Variants in ZNF723 observed in about 807,000 individuals in gnomAD.
ZNF723 encodes the protein zinc finger protein 723, also known as zinc finger protein 723, pseudogene.
In ZNF723, 5 loss-of-function variants were observed where a neutral mutation model predicts 9.4. That is an observed-to-expected ratio of 0.53 (90% CI 0.28 to 1.12). The LOEUF (loss-of-function observed/expected upper bound fraction) is 1.12, where lower values mean the gene tolerates loss of function less well. Among genes scored for constraint, ZNF723 ranks in the 50% most tolerant of loss-of-function variants. The probability of loss-of-function intolerance (pLI) is 0.10; values close to 1 mark genes in which losing one functional copy is unlikely to be tolerated. For missense variants in ZNF723, 450 were observed against 501.5 expected, an observed-to-expected ratio of 0.90 and a Z score of 0.98; for synonymous variants, 158 against 168.8, an observed-to-expected ratio of 0.94 and a Z score of 0.49.
chr19:22,857,607 A>T lies in ZNF723; in HGVS notation c.716A>T (p.Asn239Ile). The T allele has an allele frequency of 7.6e-7, 1 of 1,314,962 alleles. No individual in the cohort carries two copies. The highest frequency in any genetic ancestry group is 1.7e-5 in the Admixed American group (1 of 59,562). The allele number at this position is 1,314,962 out of a possible 1,614,324, so 81.5% of individuals were successfully genotyped here. ...TGTGAAGAATGTGGCAAAGCCTTTA[A>T]TGTGTCCTCAAGCCTTAATAATCAT... Reference protein sequence around the residue: ...YKCEECGKAFNVSSSLNNHKR... With the variant: ...YKCEECGKAFIVSSSLNNHKR... The change falls in exon 4 of 4, where the codon AAT (asparagine) becomes ATT (isoleucine). Residue 239 changes from asparagine (N) to isoleucine (I), a missense_variant. By Grantham distance (149) the Asn-to-Ile change is moderately radical. This residue lies in a region of ZNF723 where 237 missense variants were observed against 332.2 expected (regional missense o/e 0.71). Coordinates refer to ENST00000600766, the MANE Select transcript of ZNF723 (RefSeq NM_001349726.2).
chr19:22,836,763 A>G (rs1250338741), intron 1 of ZNF723, among the ~76,000 whole-genome samples: 2 of 152,208 alleles, frequency 1.3e-5, no homozygotes, highest in Non-Finnish European at 2.9e-5. Context: ...TGCAGAGTCT[A>G]TGTCTGGCTG....
chr19:22,857,297 T>A lies in ZNF723; in HGVS notation c.406T>A (p.Cys136Ser). The A allele has an allele frequency of 6.1e-6, 5 of 815,734 alleles. No individual in the cohort carries two copies. The highest frequency in any genetic ancestry group is 5.4e-5 in the South Asian group (4 of 73,874). 50.5% of individuals were successfully genotyped at this position (815,734 alleles called of 1,614,324 possible). A position where few individuals can be genotyped will look rare whatever the true frequency, so the allele number is the denominator to read the frequency against. The change falls in exon 4 of 4, where the codon TGT becomes AGT. Residue 136 changes from cysteine to serine, a missense_variant. Coordinates refer to ENST00000600766, the MANE Select transcript of ZNF723 (RefSeq NM_001349726.2). The stretch of plus-strand genomic sequence containing the variant: ...AGGAGGTTATGATGAACTTAAGCAA[T>A]GTTTGACAACTACCCCGAGCAAAAT... The part of the protein sequence containing the change: ...HKGGYDELKQ[C>S]LTTTPSKIFQ...
chr19:22,826,320 G>C, the ZNF723 span, among the ~76,000 whole-genome samples: 1 of 151,638 alleles, frequency 6.6e-6, no homozygotes, highest in East Asian at 1.9e-4. Context: ...CGGCTAACAG[G>C]GATGAAGATG....
At chr19:22,832,281 T>C (rs1451797119), upstream of ZNF723, 1 of 1,202,980 alleles carries the variant, frequency 8.3e-7, no homozygotes, top group Non-Finnish European at 1.2e-6. Flanking sequence ...CTTCCGGGAT[T>C]TGGCGCGGCC....
chr19:22,849,113 A>G, intron 2 of ZNF723, 85 bp from the exon 3 acceptor site: 5 of 446,862 alleles, frequency 1.1e-5, no homozygotes, highest in Non-Finnish European at 8.2e-6. Context: ...TGAATATACT[A>G]GAATATTCTA....
rs117546696 is a variant in ZNF723, at chr19:22,843,176, C to T, written c.4-5085C>T. Among the ~76,000 whole-genome samples the T allele has an allele frequency of 6.1e-3, 930 of 152,280 alleles. 4 individuals carry two copies. The highest frequency in any genetic ancestry group is 0.011 in the Non-Finnish European group (729 of 68,022). ...ACAGGTGATCCAGGTTCTGGAGCTT[C>T]TCCAGGGCAGTTTAATTTTTTGTTT... On this transcript the variant is annotated intron_variant, in intron 1 of 3. Transcript: ENST00000600766.
the ZNF723 span, among the ~76,000 whole-genome samples, chr19:22,816,187 C>T: frequency 1.3e-5 from 2 of 152,288 alleles, no homozygotes; most frequent in East Asian, 3.9e-4. Context: ...GGTGTCCTAA[C>T]AGAGCACAGC....
chr19:22,818,792 G>T, the ZNF723 span, among the ~76,000 whole-genome samples: 6 of 151,996 alleles, frequency 3.9e-5, no homozygotes, highest in African/African-American at 1.5e-4. Flanking sequence ...TGTTTGCAGT[G>T]GGGCTTTGTG....
the ZNF723 span, among the ~76,000 whole-genome samples, chr19:22,825,780 G>A: frequency 6.6e-6 from 1 of 152,154 alleles, no homozygotes; most frequent in Non-Finnish European, 1.5e-5. Context: ...CTGCATACAG[G>A]GGCATGGTGA....
At chr19:22,845,084 A>T (rs766884598) in intron 1 of ZNF723, among the ~76,000 whole-genome samples, 11 of 152,168 alleles carry the variant, frequency 7.2e-5, no homozygotes, top group Non-Finnish European at 1.3e-4. Flanking sequence ...ACGCCACTGC[A>T]CTCCAGCCTG....
Position 22,857,572 on chromosome 19 carries a change from A to G in ZNF723, c.681A>G (p.Lys227=), listed in dbSNP as rs1967497891. Residue 227 remains lysine, a synonymous_variant, in exon 4 of 4, where the codon AAA becomes AAG. Transcript: ENST00000600766. ...ATAAGAGAATTCATACTGGAGAGAA[A>G]CCCTACAAATGTGAAGAATGTGGCA... ...NNHKRIHTGE[K]PYKCEECGKA... The G allele has an allele frequency of 5.2e-6, 7 of 1,342,986 alleles. No homozygotes were observed. The highest frequency in any genetic ancestry group is 2.3e-5 in the East Asian group (1 of 43,562). 83.2% of individuals were successfully genotyped at this position (1,342,986 alleles called of 1,614,324 possible). A position where few individuals can be genotyped will look rare whatever the true frequency, so the allele number is the denominator to read the frequency against.
intron 1 of ZNF723, among the ~76,000 whole-genome samples, chr19:22,833,852 C>G (rs1967129369): frequency 6.6e-6 from 1 of 151,542 alleles, no homozygotes; most frequent in South Asian, 2.1e-4. Context: ...GTGATCCACC[C>G]GCCTCGACCT....
chr19:22,832,330 G>T lies in ZNF723; in HGVS notation c.-50G>T. Reference sequence around the variant, plus strand: ...GTCTCTGTGGCCTCCTGACCTACATGCATTGGGAGATCCACAGCTAAGACG... The same window carrying T: ...GTCTCTGTGGCCTCCTGACCTACATTCATTGGGAGATCCACAGCTAAGACG... On this transcript the variant is annotated 5_prime_UTR_variant, in exon 1 of 4. An upstream start codon of the reference 5' UTR is lost. Coordinates refer to ENST00000600766, the MANE Select transcript of ZNF723 (RefSeq NM_001349726.2). 7.3e-7 allele frequency: 1 copy of T among 1,373,340 alleles called. No individual in the cohort carries two copies. The highest frequency in any genetic ancestry group is 2.7e-5 in the East Asian group (1 of 37,508). 85.1% of individuals were successfully genotyped at this position (1,373,340 alleles called of 1,614,324 possible). A position where few individuals can be genotyped will look rare whatever the true frequency, so the allele number is the denominator to read the frequency against.
chr19:22,814,320 C>T, the ZNF723 span, among the ~76,000 whole-genome samples: 39 of 152,266 alleles, frequency 2.6e-4, no homozygotes, highest in South Asian at 7.5e-3. Flanking sequence ...CGTAATAGGG[C>T]CAAGCACACA....
intron 3 of ZNF723, among the ~76,000 whole-genome samples, chr19:22,850,121 T>G (rs1226728602): frequency 2.0e-5 from 3 of 151,998 alleles, no homozygotes; most frequent in Non-Finnish European, 4.4e-5. Flanking sequence ...GTTTTTTTTT[T>G]GTCAAGATTG....
intron 3 of ZNF723, among the ~76,000 whole-genome samples, chr19:22,856,335 T>A (rs75617414): frequency 0.014 from 2,067 of 152,308 alleles, 46 homozygotes; most frequent in African/African-American, 0.047. Context: ...CATACTTTTG[T>A]TACCCTCATT....
chr19:22,815,255 C>T, the ZNF723 span, among the ~76,000 whole-genome samples: 5 of 152,050 alleles, frequency 3.3e-5, no homozygotes, highest in African/African-American at 1.2e-4. Flanking sequence ...CCACAAGGGG[C>T]CTTGTAAAAT....
chr19:22,847,621 C>A (rs1967331533), intron 1 of ZNF723, among the ~76,000 whole-genome samples: 1 of 152,014 alleles, frequency 6.6e-6, no homozygotes, highest in Non-Finnish European at 1.5e-5. Flanking sequence ...TTTTCCATCT[C>A]AAAAATACAC....
At chr19:22,842,888 T>C (rs955104509) in intron 1 of ZNF723, among the ~76,000 whole-genome samples, 3 of 152,210 alleles carry the variant, frequency 2.0e-5, no homozygotes, top group Non-Finnish European at 4.4e-5. Flanking sequence ...GATGTCAACA[T>C]AGACATCTTA....
Sources: allele counts gnomAD v4.1 joint callset (sites outside exome capture counted in the v4.1 genomes callset), GRCh38; gene constraint gnomAD v4.1.1; regional missense constraint gnomAD v4.1.1; transcripts MANE v1.5; gene names NCBI Gene and HGNC (gene_info 2026-07-23, HGNC 2026-07-21).